The following GPSM2 variants were observed in gnomAD, a reference collection of about 807,000 sequenced individuals.
GPSM2 encodes G protein signaling modulator 2, also known as G protein-signaling modulator 2.
GPSM2 carries 58 observed loss-of-function variants against 78.4 expected under a neutral mutation model. The ratio of observed to expected loss-of-function variants is 0.74; its 90% CI spans 0.60 to 0.92. The LOEUF is 0.92. Among genes scored for constraint, GPSM2 ranks in the 40% least tolerant of loss-of-function variants. GPSM2 has a pLI of 0.00. For synonymous variants in GPSM2, 224 were observed against 280.2 expected (o/e 0.80, Z 2.00); for missense variants, 700 against 815.5 (o/e 0.86, Z 1.73).
At chr1:108,920,055 TACTC>T (rs1377369192) in intron 12 of GPSM2, among the ~76,000 whole-genome samples, 4 of 151,926 alleles carry the variant, frequency 2.6e-5, no homozygotes, top group African/African-American at 9.7e-5. Flanking sequence ...TGGTCCCAGC[TACTC>T]AGGAGACTGG....
At chr1:108,894,963 G>T (rs776187231) in intron 2 of GPSM2, among the ~76,000 whole-genome samples, 49 of 152,136 alleles carry the variant, frequency 3.2e-4, no homozygotes, top group African/African-American at 1.1e-3. Context: ...AAATTTTGCA[G>T]ACTGAAAAAC....
In GPSM2 at chr1:108,928,646, T is replaced by A. The variant is rs796272439; in HGVS notation, c.1816-1055T>A. On this transcript the variant is annotated intron_variant, in intron 14 of 14. Transcript: ENST00000264126. Reference sequence around the variant, plus strand: ...ACTATGGTGTATACTTGTAAGTGCATGTATTTTTTGACAAGTAGCATGTCT... The same window carrying A: ...ACTATGGTGTATACTTGTAAGTGCAAGTATTTTTTGACAAGTAGCATGTCT... Among the ~76,000 whole-genome samples the A allele has an allele frequency of 4.6e-5, 7 of 152,344 alleles. 1 individual carries two copies. The highest frequency in any genetic ancestry group is 1.7e-4 in the African/African-American group (7 of 41,582).
At chr1:108,900,233 ATTTTTTT>A (rs756615139) in intron 7 of GPSM2, among the ~76,000 whole-genome samples, 13 of 131,208 alleles carry the variant, frequency 9.9e-5, no homozygotes, top group East Asian at 2.2e-4. Flanking sequence ...TCTTCTTTAG[ATTTTTTT>A]TTTTTTTTTT....
intron 10 of GPSM2, among the ~76,000 whole-genome samples, chr1:108,914,002 G>C (rs1389688885): frequency 1.3e-5 from 2 of 152,088 alleles, no homozygotes; most frequent in African/African-American, 4.8e-5. Context: ...GGAATAAACT[G>C]CTCTACAGAT....
intron 2 of GPSM2, among the ~76,000 whole-genome samples, chr1:108,895,643 G>A (rs1208501993): frequency 1.3e-5 from 2 of 152,044 alleles, no homozygotes; most frequent in African/African-American, 2.4e-5. Context: ...AATGCCTGAT[G>A]ATCTGTCACT....
Position 108,930,907 on chromosome 1 carries a change from G to GC in GPSM2, c.*968dup, listed in dbSNP as rs1201006932. 1.5e-5 allele frequency: 2 copies of GC among 135,804 alleles called. No individual in the cohort carries two copies. The highest frequency in any genetic ancestry group is 6.1e-5 in the African/African-American group (2 of 32,886). The allele number at this position is 135,804 out of a possible 1,614,324, so 8.4% of individuals were successfully genotyped here. ...CTCTGTCTCAAAAAAAAAAAAAACAGCAAGCATGCTGGCACACACCTGTAG... is the reference window on the plus strand; with the variant it reads ...CTCTGTCTCAAAAAAAAAAAAAACAGCCAAGCATGCTGGCACACACCTGTAG... On this transcript the variant is annotated 3_prime_UTR_variant, in exon 15 of 15. Coordinates refer to ENST00000264126, the MANE Select transcript of GPSM2 (RefSeq NM_013296.5).
At chr1:108,887,045 C>T (rs940784258) in intron 2 of GPSM2, among the ~76,000 whole-genome samples, 1 of 151,982 alleles carries the variant, frequency 6.6e-6, no homozygotes, top group Non-Finnish European at 1.5e-5. Flanking sequence ...TGTCACCACG[C>T]CCAGCTAATT....
intron 5 of GPSM2, 29 bp from the exon 6 acceptor site, chr1:108,898,613 T>C (rs1648558471): frequency 6.2e-7 from 1 of 1,611,284 alleles, no homozygotes; most frequent in South Asian, 1.1e-5. Flanking sequence ...TGCAAACTTA[T>C]TTTTTCATCA....
intron 10 of GPSM2, 91 bp from the exon 11 acceptor site, chr1:108,914,247 A>G (rs1649997978): frequency 1.2e-6 from 1 of 832,102 alleles, no homozygotes; most frequent in Non-Finnish European, 2.1e-6. Context: ...GGGTTTGTGT[A>G]TCAGATTTTA....
chr1:108,929,642 C>T, intron 14 of GPSM2, 59 bp from the exon 15 acceptor site: 1 of 1,537,952 alleles, frequency 6.5e-7, no homozygotes, highest in East Asian at 2.2e-5. Context: ...AGAGATTTAA[C>T]ATAGCTTGGT....
At chr1:108,914,854 T>C (rs1647641318) in intron 11 of GPSM2, among the ~76,000 whole-genome samples, 1 of 152,134 alleles carries the variant, frequency 6.6e-6, no homozygotes. Context: ...CCAAGATAAA[T>C]GAAATTTATG....
intron 1 of GPSM2, among the ~76,000 whole-genome samples, chr1:108,878,928 A>C (rs1665759369): frequency 6.6e-6 from 1 of 152,212 alleles, no homozygotes; most frequent in African/African-American, 2.4e-5. Flanking sequence ...TCATGGCCTG[A>C]TCCCAAAGCA....
At position 108,931,804 on chromosome 1, in the gene GPSM2, A is replaced by C. The variant is rs908524372; in HGVS notation, c.*1864A>C. The C allele has an allele frequency of 1.0e-5, 2 of 190,582 alleles. No individual in the cohort carries two copies. The highest frequency in any genetic ancestry group is 4.7e-5 in the African/African-American group (2 of 42,694). 11.8% of individuals were successfully genotyped at this position (190,582 alleles called of 1,614,324 possible). ...CACAACGTAAAAAGTTTGTGTATAC[A>C]AACTTTTTGTATTATTTGTACACAA... On this transcript the variant is annotated 3_prime_UTR_variant, in exon 15 of 15. Transcript: ENST00000264126.
chr1:108,880,123 T>C (rs561130646), intron 1 of GPSM2, among the ~76,000 whole-genome samples: 1 of 152,346 alleles, frequency 6.6e-6, no homozygotes, highest in South Asian at 2.1e-4. Context: ...TCCCATATTA[T>C]CACAAAACAT....
intron 12 of GPSM2, among the ~76,000 whole-genome samples, chr1:108,920,298 G>C (rs1010980541): frequency 6.6e-6 from 1 of 152,010 alleles, no homozygotes; most frequent in East Asian, 1.9e-4. Flanking sequence ...GCGAAACCCC[G>C]TATCTACTAA....
intron 2 of GPSM2, among the ~76,000 whole-genome samples, chr1:108,896,362 G>A (rs1434169760): frequency 6.6e-6 from 1 of 152,124 alleles, no homozygotes; most frequent in Admixed American, 6.6e-5. Flanking sequence ...GAGAGTGAGT[G>A]TGTGTTGTGT....
At chr1:108,886,586 G>C (rs1216709196) in intron 2 of GPSM2, among the ~76,000 whole-genome samples, 2 of 152,202 alleles carry the variant, frequency 1.3e-5, no homozygotes, top group African/African-American at 2.4e-5. Flanking sequence ...AGATTGTAAG[G>C]ACCAGTGTTC....
chr1:108,930,133 C>T lies in GPSM2; in HGVS notation c.*193C>T. On this transcript the variant is annotated 3_prime_UTR_variant, in exon 15 of 15. Transcript: ENST00000264126. ...CATGCGCGTTTGAGGGTGGAGGGGT[C>T]CTGTAAGGTGCTTCATCGTCTGTGA... 1 of 585,304 alleles carries T rather than the reference C, an allele frequency of 1.7e-6. No homozygotes were observed. The highest frequency in any genetic ancestry group is 2.2e-5 in the South Asian group (1 of 44,710). The allele number at this position is 585,304 out of a possible 1,614,324, so 36.3% of individuals were successfully genotyped here.
chr1:108,880,792 G>A (rs575350754), intron 1 of GPSM2, among the ~76,000 whole-genome samples: 1 of 152,348 alleles, frequency 6.6e-6, no homozygotes, highest in Non-Finnish European at 1.5e-5. Flanking sequence ...ATTGTCTGAT[G>A]AATGTTACCA....
Sources: allele counts gnomAD v4.1 joint callset (sites outside exome capture counted in the v4.1 genomes callset), GRCh38; gene constraint gnomAD v4.1.1; transcripts MANE v1.5; gene names NCBI Gene and HGNC (gene_info 2026-07-23, HGNC 2026-07-21).